Variants in ATP2C1 observed in about 807,000 individuals in gnomAD.
ATP2C1 encodes the protein calcium-transporting ATPase type 2C member 1.
Under a neutral mutation model 120.5 loss-of-function variants are expected in ATP2C1, and 31 were observed. The ratio of observed to expected loss-of-function variants is 0.26; its 90% CI spans 0.19 to 0.35. The LOEUF is 0.35. Among genes scored for constraint, ATP2C1 ranks in the 10% least tolerant of loss-of-function variants. The pLI is 1.00. For synonymous variants in ATP2C1, 351 were observed against 358.7 expected (o/e 0.98, Z 0.24); for missense variants, 731 against 1,107.5 (o/e 0.66, Z 4.83).
chr3:130,885,637 TTAAC>T (rs1357301313), intron 1 of ATP2C1, among the ~76,000 whole-genome samples: 12 of 152,272 alleles, frequency 7.9e-5, no homozygotes, highest in East Asian at 1.9e-4. Context: ...ACTCTACACT[TTAAC>T]TTTGTCCCCC....
At chr3:131,016,618 T>G in exon 27 of ATP2C1, 1 of 439,726 alleles carries the variant, frequency 2.3e-6, no homozygotes, top group Non-Finnish European at 4.1e-6. Context: ...CATAAACATG[T>G]CTGCATTTGA....
At chr3:130,931,912 T>A (rs2059467583) in intron 3 of ATP2C1, 110 bp from the exon 4 acceptor site, 2 of 745,648 alleles carry the variant, frequency 2.7e-6, no homozygotes, top group Non-Finnish European at 4.7e-6. Flanking sequence ...AGACTAGTTT[T>A]GACTGTTGTA....
At chr3:130,949,292 TA>T (rs2060271479) in intron 8 of ATP2C1, among the ~76,000 whole-genome samples, 1 of 152,174 alleles carries the variant, frequency 6.6e-6, no homozygotes, top group Non-Finnish European at 1.5e-5. Flanking sequence ...AAAACATTCT[TA>T]TTGTGGATAT....
At chr3:130,920,594 A>G (rs2058908778) in intron 2 of ATP2C1, among the ~76,000 whole-genome samples, 1 of 152,134 alleles carries the variant, frequency 6.6e-6, no homozygotes, top group South Asian at 2.1e-4. Context: ...ATATTAATAT[A>G]TTTTGAAATC....
At chr3:130,887,567 C>T (rs542781403) in intron 1 of ATP2C1, among the ~76,000 whole-genome samples, 13 of 152,356 alleles carry the variant, frequency 8.5e-5, no homozygotes, top group African/African-American at 3.1e-4. Context: ...CTGCTCTTCC[C>T]TCCCCTTTCC....
intron 1 of ATP2C1, among the ~76,000 whole-genome samples, chr3:130,853,044 T>C (rs771041839): frequency 6.6e-6 from 1 of 152,238 alleles, no homozygotes; most frequent in Non-Finnish European, 1.5e-5. Flanking sequence ...TTTTACTGTT[T>C]ACCACATCTG....
intron 6 of ATP2C1, among the ~76,000 whole-genome samples, chr3:130,939,843 T>C (rs1005485785): frequency 1.3e-5 from 2 of 152,210 alleles, no homozygotes; most frequent in Admixed American, 1.3e-4. Flanking sequence ...ACTGCAGTCA[T>C]TTCAAAACAT....
chr3:130,989,747 C>T (rs1029522506), intron 20 of ATP2C1, among the ~76,000 whole-genome samples: 2 of 152,202 alleles, frequency 1.3e-5, no homozygotes, highest in African/African-American at 4.8e-5. Context: ...ACATGAAGTA[C>T]ATGGACAACT....
intron 8 of ATP2C1, among the ~76,000 whole-genome samples, chr3:130,953,076 CGTAT>C (rs10576619): frequency 0.44 from 65,471 of 149,164 alleles, 16,501 homozygotes; most frequent in Middle Eastern, 0.63. Context: ...CTCACTTGTT[CGTAT>C]GTATGTATGT....
rs1684194911 is a variant in ATP2C1 at position 130,869,822 on chromosome 3, T to A, written c.108+18894T>A. ...TCTTGAGGTTTAAGGAAAGAAGCAA[T>A]CTCCATAACATAAAAGTACAAGGTG... is the stretch of plus-strand genomic sequence containing the variant. On this transcript the variant is annotated intron_variant, in intron 1 of 26. Transcript: ENST00000504381. 2.0e-5 allele frequency among the ~76,000 whole-genome samples: 3 copies of A among 152,034 alleles called. No individual in the cohort carries two copies. The South Asian group carries it at 6.2e-4, about 32-fold the overall frequency.
rs772532089 is a variant in ATP2C1, at chr3:130,882,011, ACTT to A, written c.108+31090_108+31092del. On this transcript the variant is annotated intron_variant, in intron 1 of 26. Coordinates refer to the ATP2C1 transcript ENST00000504381. ...ATCATCTGCAAATAAAAATAATGAA[ACTT>A]CTTCTTTTACAATTTAGATGTTAAA... 5.9e-5 allele frequency among the ~76,000 whole-genome samples: 9 copies of A among 152,238 alleles called. No homozygotes were observed. The East Asian group carries it at 1.2e-3, about 20-fold the overall frequency.
chr3:130,965,163 G>A (rs543560984), intron 14 of ATP2C1, 118 bp downstream of exon 14: 1 of 715,988 alleles, frequency 1.4e-6, no homozygotes, highest in African/African-American at 1.8e-5. Flanking sequence ...TAGTAGTGGA[G>A]TTATTTTCTC....
intron 1 of ATP2C1, among the ~76,000 whole-genome samples, chr3:130,887,377 T>C (rs1484875021): frequency 6.6e-6 from 1 of 152,168 alleles, no homozygotes; most frequent in Non-Finnish European, 1.5e-5. Flanking sequence ...CATTAGCAGG[T>C]GGTGAAGCCA....
At position 130,975,421 on chromosome 3, in the gene ATP2C1, A is replaced by G. The variant is rs150217507; in HGVS notation, c.1503A>G (p.Thr501=). ...TTYQSKGQTL[T]LTQQQRDVYQ... ...ACCAGAGCAAAGGGCAGACCTTGAC[A>G]CTTACTCAGCAGCAGAGAGATGTGT... Residue 501 remains threonine, a synonymous_variant, in exon 18 of 28, where the codon ACA becomes ACG. Coordinates refer to ENST00000510168, the MANE Select transcript of ATP2C1 (RefSeq NM_001378687.1). The G allele has an allele frequency of 7.4e-6, 12 of 1,613,816 alleles. No individual in the cohort carries two copies. Among genetic ancestry groups the G allele is most frequent in the Non-Finnish European group, 1.0e-5 (12 of 1,179,904 alleles).
chr3:130,884,329 T>C (rs1031003304), intron 1 of ATP2C1, among the ~76,000 whole-genome samples: 1 of 152,218 alleles, frequency 6.6e-6, no homozygotes, highest in African/African-American at 2.4e-5. Flanking sequence ...AAATTCCTCG[T>C]TATTAATTTC....
chr3:130,952,589 C>G (rs1458113736), intron 8 of ATP2C1, among the ~76,000 whole-genome samples: 3 of 152,082 alleles, frequency 2.0e-5, no homozygotes, highest in African/African-American at 7.2e-5. Context: ...ACTGACTCAG[C>G]CTAAAATATC....
At chr3:130,918,337 A>G in intron 2 of ATP2C1, 1 of 1,559,686 alleles carries the variant, frequency 6.4e-7, no homozygotes. Flanking sequence ...GGAGTTGTTG[A>G]TTCAAGACTC....
chr3:130,874,207 T>A (rs541124423), intron 1 of ATP2C1, among the ~76,000 whole-genome samples: 12 of 152,142 alleles, frequency 7.9e-5, no homozygotes, highest in African/African-American at 2.9e-4. Context: ...AGATCATCAA[T>A]GTTTAAGAAT....
Position 131,003,128 on chromosome 3 carries a change from A to G in ATP2C1, c.*1778A>G. 1.2e-5 allele frequency: 12 copies of G among 983,172 alleles called. No homozygotes were observed. The highest frequency in any genetic ancestry group is 1.5e-5 in the Non-Finnish European group (12 of 827,450). The allele number at this position is 983,172 out of a possible 1,614,324, so 60.9% of individuals were successfully genotyped here. A position where few individuals can be genotyped will look rare whatever the true frequency, so the allele number is the denominator to read the frequency against. On this transcript the variant is annotated 3_prime_UTR_variant, in exon 28 of 28. Transcript: ENST00000510168. ...CATTCATTTGCTTTGTACTATAAAA[A>G]TAAAAATGATTTCTTAAGTTAATGA... is the stretch of plus-strand genomic sequence containing the variant.
Sources: gnomAD v4.1 joint callset for allele counts (sites outside exome capture counted in the v4.1 genomes callset) on GRCh38, gnomAD v4.1.1 for gene constraint, MANE v1.5 for transcripts, NCBI Gene and HGNC (gene_info 2026-07-23, HGNC 2026-07-21) for gene names.